The following METTL15 variants were observed in gnomAD, a reference collection of about 807,000 sequenced individuals.
The protein encoded by METTL15 is methyltransferase 15, mitochondrial 12S rRNA N4-cytidine, also known as 12S rRNA N(4)-cytidine methyltransferase METTL15.
In METTL15, 34 loss-of-function variants were observed where a neutral mutation model predicts 38.3. That is an observed-to-expected ratio of 0.89 (90% CI 0.68 to 1.18). The LOEUF (loss-of-function observed/expected upper bound fraction) is 1.18, where lower values mean the gene tolerates loss of function less well. METTL15 is among the 50% of genes most tolerant of loss of function. METTL15 has a pLI of 0.00. For synonymous variants in METTL15, 162 were observed against 170.9 expected (o/e 0.95, Z 0.41); for missense variants, 438 against 498.4 (o/e 0.88, Z 1.15).
intron 5 of METTL15, chr11:28,398,979 C>G (rs1850602888): frequency 6.6e-6 from 1 of 151,844 alleles, no homozygotes; most frequent in Admixed American, 6.6e-5. Flanking sequence ...AAAAAAGGGC[C>G]CATATAGCCA....
At chr11:28,227,716 C>T (rs931830332) in intron 4 of METTL15, among the ~76,000 whole-genome samples, 1 of 151,830 alleles carries the variant, frequency 6.6e-6, no homozygotes, top group Non-Finnish European at 1.5e-5. Context: ...AGGGAACTGA[C>T]ATGATCATAT....
At chr11:28,137,788 A>AT (rs1010837568) in intron 3 of METTL15, among the ~76,000 whole-genome samples, 201 of 143,590 alleles carry the variant, frequency 1.4e-3, no homozygotes, top group Middle Eastern at 3.5e-3. Context: ...TACAGCTTTT[A>AT]TTTTTTTTTT....
chr11:28,194,172 C>CTTTCTTTCT (rs1462805146), intron 3 of METTL15, among the ~76,000 whole-genome samples: 1 of 58,948 alleles, frequency 1.7e-5, no homozygotes, highest in Non-Finnish European at 3.0e-5. Context: ...TTCTTTCTTT[C>CTTTCTTTCT]TTTTTCTCTC....
intron 4 of METTL15, among the ~76,000 whole-genome samples, chr11:28,225,733 T>G (rs1853451126): frequency 6.6e-6 from 1 of 151,908 alleles, no homozygotes; most frequent in Non-Finnish European, 1.5e-5. Flanking sequence ...TTTTGTCCTG[T>G]GGATCAGGTC....
At chr11:28,347,841 T>A (rs1267573494) in intron 3 of METTL15, among the ~76,000 whole-genome samples, 1 of 152,230 alleles carries the variant, frequency 6.6e-6, no homozygotes, top group African/African-American at 2.4e-5. Flanking sequence ...TCTCCTTTAG[T>A]AAGCCTTTCC....
intron 3 of METTL15, among the ~76,000 whole-genome samples, chr11:28,117,257 GTGTATATATATATATA>G (rs1213743525): frequency 3.5e-5 from 2 of 57,386 alleles, no homozygotes; most frequent in East Asian, 6.3e-4. Flanking sequence ...GTGTGTGTGT[GTGTATATATATATATA>G]TATATATATA....
intron 6 of METTL15, among the ~76,000 whole-genome samples, chr11:28,298,085 G>T (rs921510629): frequency 2.0e-5 from 3 of 151,876 alleles, no homozygotes; most frequent in African/African-American, 4.8e-5. Flanking sequence ...TTACCATTGA[G>T]ATTTCTTTAG....
intron 3 of METTL15, among the ~76,000 whole-genome samples, chr11:28,209,258 AC>A (rs1852516227): frequency 6.6e-6 from 1 of 152,012 alleles, no homozygotes; most frequent in African/African-American, 2.4e-5. Flanking sequence ...ATCTATAGTT[AC>A]AGCAAGGCTA....
intron 4 of METTL15, among the ~76,000 whole-genome samples, chr11:28,356,485 A>G (rs569095669): frequency 6.6e-6 from 1 of 152,294 alleles, no homozygotes; most frequent in South Asian, 2.1e-4. Context: ...AAATTGTTCA[A>G]GCATATTTAT....
intron 3 of METTL15, among the ~76,000 whole-genome samples, chr11:28,194,566 G>A (rs1839294045): frequency 6.6e-6 from 1 of 151,876 alleles, no homozygotes; most frequent in African/African-American, 2.4e-5. Flanking sequence ...GATGACATAT[G>A]TAGATGAGTT....
intron 6 of METTL15, among the ~76,000 whole-genome samples, chr11:28,478,011 C>T (rs1222606521): frequency 6.6e-6 from 1 of 152,112 alleles, no homozygotes; most frequent in East Asian, 1.9e-4. Flanking sequence ...ATCCTAAGTT[C>T]TCTTTTCAAA....
intron 6 of METTL15, among the ~76,000 whole-genome samples, chr11:28,509,586 A>G (rs1334094541): frequency 6.6e-6 from 1 of 152,112 alleles, no homozygotes; most frequent in East Asian, 1.9e-4. Context: ...TGGGCAGAAA[A>G]GCAGGAGACC....
At chr11:28,407,828 A>T (rs187799943) in intron 5 of METTL15, among the ~76,000 whole-genome samples, 7 of 152,334 alleles carry the variant, frequency 4.6e-5, no homozygotes, top group Admixed American at 1.3e-4. Flanking sequence ...AAGAATATAA[A>T]TCATTCTATT....
At chr11:28,390,378 T>C (rs1012364841) in intron 5 of METTL15, among the ~76,000 whole-genome samples, 1 of 152,000 alleles carries the variant, frequency 6.6e-6, no homozygotes, top group Non-Finnish European at 1.5e-5. Flanking sequence ...TATTTAAGTC[T>C]TTAATCCATC....
Position 28,216,933 on chromosome 11 carries a change from T to G in METTL15, c.407+5735T>G, listed in dbSNP as rs1297735407. ...TGCATAGTATTCCATGGTGTATATG[T>G]GCCACATTTTCTTAATCCAGTCTAT... is the stretch of plus-strand genomic sequence containing the variant. On this transcript the variant is annotated intron_variant, in intron 4 of 6. Transcript: ENST00000407364. 2.0e-5 allele frequency among the ~76,000 whole-genome samples: 3 copies of G among 152,130 alleles called. No individual in the cohort carries two copies. The East Asian group carries it at 5.8e-4, about 29-fold the overall frequency.
At chr11:28,482,742 A>G (rs1171582970) in intron 6 of METTL15, among the ~76,000 whole-genome samples, 1 of 152,160 alleles carries the variant, frequency 6.6e-6, no homozygotes, top group Non-Finnish European at 1.5e-5. Flanking sequence ...CTAGAAATGC[A>G]AATTTCTTGG....
chr11:28,159,268 G>A (rs1456014785), intron 3 of METTL15, among the ~76,000 whole-genome samples: 2 of 152,186 alleles, frequency 1.3e-5, no homozygotes, highest in African/African-American at 2.4e-5. Flanking sequence ...AGTCTACTAC[G>A]CCGCAACGGA....
intron 5 of METTL15, among the ~76,000 whole-genome samples, chr11:28,409,343 C>T (rs1215140209): frequency 2.4e-5 from 3 of 123,226 alleles, no homozygotes; most frequent in African/African-American, 9.3e-5. Context: ...GATGATGCCA[C>T]TGCACTCCAG....
intron 5 of METTL15, among the ~76,000 whole-genome samples, chr11:28,379,140 A>G (rs1304539251): frequency 6.6e-6 from 1 of 150,796 alleles, no homozygotes; most frequent in Non-Finnish European, 1.5e-5. Flanking sequence ...TGTTGATTTT[A>G]TTTATCTTTT....
Sources: allele counts gnomAD v4.1 joint callset (sites outside exome capture counted in the v4.1 genomes callset), GRCh38; gene constraint gnomAD v4.1.1; transcripts MANE v1.5; gene names NCBI Gene and HGNC (gene_info 2026-07-23, HGNC 2026-07-21).